The following SLC37A1 variants were observed in gnomAD, a reference collection of about 807,000 sequenced individuals.
The protein encoded by SLC37A1 is solute carrier family 37 member 1, also known as glucose-6-phosphate exchanger SLC37A1.
SLC37A1 carries 49 observed loss-of-function variants against 75.3 expected under a neutral mutation model. That is an observed-to-expected ratio of 0.65 (90% confidence interval 0.52 to 0.83). The LOEUF (loss-of-function observed/expected upper bound fraction) is 0.83, where lower values mean the gene tolerates loss of function less well. Among genes scored for constraint, SLC37A1 ranks in the 40% least tolerant of loss-of-function variants. The pLI, the probability that SLC37A1 is intolerant of heterozygous loss-of-function variation, is 0.00. For synonymous variants in SLC37A1, 268 were observed against 292.1 expected, an observed-to-expected ratio of 0.92 and a Z score of 0.84; for missense variants, 566 against 695.0, an observed-to-expected ratio of 0.81 and a Z score of 2.09.
chr21:42,525,571 C>T (rs117072987), intron 2 of SLC37A1, among the ~76,000 whole-genome samples: 2 of 152,218 alleles, frequency 1.3e-5, no homozygotes, highest in Admixed American at 6.5e-5. Context: ...CTGTCTCTTA[C>T]AGTGTTCAGT....
At chr21:42,534,932 A>G in intron 4 of SLC37A1, 102 bp downstream of exon 4, 2 of 1,438,116 alleles carry the variant, frequency 1.4e-6, no homozygotes, top group Non-Finnish European at 1.9e-6. Flanking sequence ...ATGTAACTGC[A>G]TTTCCATGAC....
intron 6 of SLC37A1, among the ~76,000 whole-genome samples, chr21:42,540,477 C>G (rs556441349): frequency 6.6e-6 from 1 of 152,022 alleles, no homozygotes; most frequent in African/African-American, 2.4e-5. Context: ...AAGGAAGGGC[C>G]GACTTTGGAG....
chr21:42,569,133 C>T (rs1362005681), intron 17 of SLC37A1, among the ~76,000 whole-genome samples: 1 of 152,168 alleles, frequency 6.6e-6, no homozygotes, highest in Non-Finnish European at 1.5e-5. Context: ...ATAAGGAGGA[C>T]CTGGGGTGCC....
rs772843552 is a variant in SLC37A1 at position 42,565,825 on chromosome 21, A to G, written c.1222-2A>G. On this transcript the variant is annotated splice_acceptor_variant, in intron 14 of 19. Transcript: ENST00000352133. LOFTEE classifies it high-confidence loss of function. Reference sequence around the variant, plus strand: ...TTTGACCTTGTGTCTTGATGTCCACAGCTCTACATCTTCTCCACCGTCAGC... The same window carrying G: ...TTTGACCTTGTGTCTTGATGTCCACGGCTCTACATCTTCTCCACCGTCAGC... 1.2e-6 allele frequency: 2 copies of G among 1,613,942 alleles called. No homozygotes were observed. Among genetic ancestry groups the G allele is most frequent in the Non-Finnish European group, 1.7e-6 (2 of 1,179,854 alleles).
rs143363138 is a variant in SLC37A1 at position 42,525,185 on chromosome 21, T to A, written c.57-591T>A. ...CCCTGTGCATCTCTTCATCTGTATG[T>A]ATTCTTTGTAACATCGTTTATAATA... On this transcript the variant is annotated intron_variant, in intron 2 of 19. Coordinates refer to ENST00000352133, the MANE Select transcript of SLC37A1 (RefSeq NM_001320537.2). Among the ~76,000 whole-genome samples, 515 of 152,362 alleles carry A rather than the reference T, an allele frequency of 3.4e-3. 2 individuals are homozygous for A. The highest frequency in any genetic ancestry group is 6.8e-3 in the South Asian group (33 of 4,834).
At chr21:42,500,395 G>T (rs960985609) in intron 1 of SLC37A1, among the ~76,000 whole-genome samples, 1 of 152,172 alleles carries the variant, frequency 6.6e-6, no homozygotes, top group African/African-American at 2.4e-5. Context: ...CCCTAGCTCC[G>T]TATACTTCTT....
chr21:42,524,120 C>T (rs560614966), intron 2 of SLC37A1, among the ~76,000 whole-genome samples: 1 of 152,122 alleles, frequency 6.6e-6, no homozygotes, highest in South Asian at 2.1e-4. Flanking sequence ...TGTAGGACGC[C>T]GCCTTAGGTA....
chr21:42,564,046 G>A (rs143460972), intron 13 of SLC37A1, among the ~76,000 whole-genome samples, 169 bp downstream of exon 13: 3 of 152,122 alleles, frequency 2.0e-5, no homozygotes, highest in Non-Finnish European at 2.9e-5. Flanking sequence ...ATTGTCTCCC[G>A]TCCCTCCCCA....
Position 42,562,186 on chromosome 21 carries a change from A to G in SLC37A1, c.1072+18A>G, listed in dbSNP as rs887692093. ...GAATGTGGGTGAGTATCCACGCTAG[A>G]ACACATTAAATTCCGCACAGTGACT... is the stretch of plus-strand genomic sequence containing the variant. On this transcript the variant is annotated intron_variant, in intron 12 of 19. Transcript: ENST00000352133. 6.8e-6 allele frequency: 11 copies of G among 1,608,524 alleles called. No homozygotes were observed. Among genetic ancestry groups the G allele is most frequent in the Admixed American group, 3.3e-5 (2 of 59,990 alleles).
intron 6 of SLC37A1, among the ~76,000 whole-genome samples, chr21:42,541,875 T>A (rs1392937169): frequency 6.6e-6 from 1 of 152,164 alleles, no homozygotes; most frequent in African/African-American, 2.4e-5. Context: ...TTGAGTAGCT[T>A]GGACCACAGG....
At chr21:42,574,762 T>TA in intron 17 of SLC37A1, 56 bp from the exon 18 acceptor site, 1 of 1,567,746 alleles carries the variant, frequency 6.4e-7, no homozygotes, top group Non-Finnish European at 8.8e-7. Context: ...GGCTGCTAGT[T>TA]ATGTGCTGGG....
Position 42,554,181 on chromosome 21 carries a change from G to A in SLC37A1, c.849+39G>A, listed in dbSNP as rs191377273. 1.4e-3 allele frequency: 2,177 copies of A among 1,592,384 alleles called. 5 individuals carry two copies. The highest frequency in any genetic ancestry group is 3.5e-3 in the Middle Eastern group (21 of 6,000). On this transcript the variant is annotated intron_variant, in intron 10 of 19. Coordinates refer to ENST00000352133, the MANE Select transcript of SLC37A1 (RefSeq NM_001320537.2). ...AACTTCCACTTCCTAGAATGTCGGA[G>A]CTGCAGGAAAACTCCTTTGAGCCAC...
At chr21:42,569,111 C>T (rs1480340104) in intron 17 of SLC37A1, among the ~76,000 whole-genome samples, 1 of 152,228 alleles carries the variant, frequency 6.6e-6, no homozygotes, top group Non-Finnish European at 1.5e-5. Context: ...CCTGGTGTGG[C>T]TGTCACAGCT....
At chr21:42,556,103 T>C (rs1302876040) in intron 10 of SLC37A1, among the ~76,000 whole-genome samples, 1 of 152,126 alleles carries the variant, frequency 6.6e-6, no homozygotes, top group East Asian at 1.9e-4. Flanking sequence ...TGAAGAGACA[T>C]GTAAAGAAAG....
intron 2 of SLC37A1, among the ~76,000 whole-genome samples, chr21:42,503,248 CTTT>C (rs11444113): frequency 4.8e-5 from 6 of 125,726 alleles, no homozygotes; most frequent in African/African-American, 6.1e-5. Flanking sequence ...AATTATACTC[CTTT>C]TTTTTTTTTT....
intron 10 of SLC37A1, among the ~76,000 whole-genome samples, chr21:42,557,870 G>C (rs1315865473): frequency 6.6e-6 from 1 of 151,610 alleles, no homozygotes; most frequent in Non-Finnish European, 1.5e-5. Flanking sequence ...GTTTGATTTT[G>C]TGAAAGGTCT....
At chr21:42,553,046 A>G (rs919682446) in intron 9 of SLC37A1, among the ~76,000 whole-genome samples, 1 of 152,242 alleles carries the variant, frequency 6.6e-6, no homozygotes, top group Non-Finnish European at 1.5e-5. Context: ...AAACCTTTTC[A>G]GGGGAAATGC....
chr21:42,543,545 G>A lies in SLC37A1; in HGVS notation c.673G>A (p.Val225Met), dbSNP rs143594192. 37 of 1,613,534 alleles carry A rather than the reference G, an allele frequency of 2.3e-5. No individual in the cohort carries two copies. The highest frequency in any genetic ancestry group is 5.0e-5 in the Admixed American group (3 of 59,916). The change falls in exon 8 of 20, where the codon GTG becomes ATG. Residue 225 changes from valine (V) to methionine (M), a missense_variant. By Grantham distance (21) the Val-to-Met change is conservative. Transcript: ENST00000352133. The part of the protein sequence containing the change: ...VSTCWGLSFV[V>M]PGAIVAAMGI... Reference sequence around the variant, plus strand: ...CACATGCTGGGGCCTGTCCTTCGTCGTGCCTGGAGCCATCGTGGCAGCCAT... The same window carrying A: ...CACATGCTGGGGCCTGTCCTTCGTCATGCCTGGAGCCATCGTGGCAGCCAT...
At chr21:42,512,694 G>A (rs1050410662), upstream of SLC37A1, among the ~76,000 whole-genome samples, 3 of 152,248 alleles carry the variant, frequency 2.0e-5, no homozygotes, top group Admixed American at 6.5e-5. Flanking sequence ...AGGGGCCGGC[G>A]GGCTTCCTGG....
Sources: allele counts gnomAD v4.1 joint callset (sites outside exome capture counted in the v4.1 genomes callset), GRCh38; gene constraint gnomAD v4.1.1; transcripts MANE v1.5; gene names NCBI Gene and HGNC (gene_info 2026-07-23, HGNC 2026-07-21).